The following PGS1 variants were observed in gnomAD, a reference collection of about 807,000 sequenced individuals.
The protein encoded by PGS1 is phosphatidylglycerophosphate synthase 1.
In PGS1, 44 loss-of-function variants were observed where a neutral mutation model predicts 58.3. That is an observed-to-expected ratio of 0.75 (90% CI 0.59 to 0.97). The LOEUF is 0.97. Among genes scored for constraint, PGS1 ranks in the 50% least tolerant of loss-of-function variants. The probability of loss-of-function intolerance (pLI) is 0.00; values close to 1 mark genes in which losing one functional copy is unlikely to be tolerated. For synonymous variants in PGS1, 330 were observed against 311.0 expected (o/e 1.06, Z -0.64); for missense variants, 684 against 731.1 (o/e 0.94, Z 0.74).
intron 7 of PGS1, among the ~76,000 whole-genome samples, chr17:78,406,540 T>C (rs2084161759): frequency 6.6e-6 from 1 of 152,168 alleles, no homozygotes; most frequent in African/African-American, 2.4e-5. Flanking sequence ...CAGGTGGCAT[T>C]GTTTGGTGTG....
In PGS1 at chr17:78,392,631, T is replaced by C. The variant is rs756084405; in HGVS notation, c.299T>C (p.Leu100Pro). The change falls in exon 2 of 10, where the codon CTT becomes CCT. Residue 100 changes from leucine (L) to proline (P), a missense_variant. Leu to Pro is a moderately conservative substitution (Grantham distance 98, BLOSUM62 -3). Transcript: ENST00000262764. ...GTCTCCAGTTCTCACGTTAGGGTGC[T>C]TTCTTCCCCGGCAGAGTTTTTCGAG... ...FGVSSSHVRV[L>P]SSPAEFFELM... The C allele has an allele frequency of 6.2e-7, 1 of 1,614,076 alleles. No homozygotes were observed. The highest frequency in any genetic ancestry group is 8.5e-7 in the Non-Finnish European group (1 of 1,179,988).
chr17:78,385,329 C>T (rs1299267112), intron 1 of PGS1, among the ~76,000 whole-genome samples: 1 of 151,528 alleles, frequency 6.6e-6, no homozygotes, highest in African/African-American at 2.4e-5. Context: ...CGTACTTTCG[C>T]CCAGGTCAGA....
chr17:78,395,157 C>G (rs576049498), intron 2 of PGS1, among the ~76,000 whole-genome samples: 6 of 152,322 alleles, frequency 3.9e-5, no homozygotes, highest in Admixed American at 3.3e-4. Context: ...TGGTTTCTGC[C>G]TGGTCCCCAT....
chr17:78,403,077 G>A (rs115223098), intron 6 of PGS1, among the ~76,000 whole-genome samples: 3 of 152,106 alleles, frequency 2.0e-5, no homozygotes, highest in East Asian at 1.9e-4. Flanking sequence ...TGTGGAATAC[G>A]CATGCTCCTT....
intron 7 of PGS1, among the ~76,000 whole-genome samples, chr17:78,409,066 G>A (rs1179366734): frequency 2.6e-5 from 4 of 152,220 alleles, no homozygotes; most frequent in Non-Finnish European, 5.9e-5. Flanking sequence ...AGGGGAGGCT[G>A]AGTATGAACC....
At chr17:78,390,062 T>TTCCCCCCCCCCCCCCCCCCCCC (rs2082704736) in intron 1 of PGS1, among the ~76,000 whole-genome samples, 1 of 128,606 alleles carries the variant, frequency 7.8e-6, no homozygotes, top group Non-Finnish European at 1.7e-5. Flanking sequence ...TGTTGCCTGT[T>TTCCCCCCCCCCCCCCCCCCCCC]CCCCCGCCCC....
At chr17:78,397,460 G>GA (rs1358043833) in intron 3 of PGS1, among the ~76,000 whole-genome samples, 25 of 151,448 alleles carry the variant, frequency 1.7e-4, no homozygotes, top group African/African-American at 6.1e-4. Flanking sequence ...TTTTGAGACG[G>GA]AGTTTTGCTC....
intron 1 of PGS1, among the ~76,000 whole-genome samples, chr17:78,390,349 C>T (rs1285292456): frequency 6.6e-6 from 1 of 152,102 alleles, no homozygotes; most frequent in Admixed American, 6.5e-5. Context: ...CTGTTTCCCA[C>T]CTCTGCACTG....
At chr17:78,397,172 G>A (rs541757729) in intron 3 of PGS1, among the ~76,000 whole-genome samples, 1 of 151,926 alleles carries the variant, frequency 6.6e-6, no homozygotes, top group Middle Eastern at 3.4e-3. Flanking sequence ...GAGGTGTTGG[G>A]GCCAGCGCAG....
chr17:78,403,628 C>A lies in PGS1; in HGVS notation c.941C>A (p.Ala314Asp). 1 of 1,614,154 alleles carries A rather than the reference C, an allele frequency of 6.2e-7. No individual in the cohort carries two copies. Among genetic ancestry groups the A allele is most frequent in the South Asian group, 1.1e-5 (1 of 91,088 alleles). The stretch of plus-strand genomic sequence containing the variant: ...AGGGTCATGGATGTGATCAACTCAG[C>A]CAGGACCCGCCAGCAGATGCTGCAT... Reference protein sequence around the residue: ...NKRVMDVINSARTRQQMLHAQ... With the variant: ...NKRVMDVINSDRTRQQMLHAQ... Residue 314 changes from alanine to aspartate, a missense_variant, in exon 7 of 10, where the codon GCC (alanine) becomes GAC (aspartate). Coordinates refer to ENST00000262764, the MANE Select transcript of PGS1 (RefSeq NM_024419.5).
intron 7 of PGS1, among the ~76,000 whole-genome samples, chr17:78,410,614 C>G (rs367858900): frequency 2.6e-5 from 4 of 151,762 alleles, no homozygotes; most frequent in African/African-American, 7.3e-5. Flanking sequence ...GCTGGGATTA[C>G]AGGCACGCAC....
chr17:78,418,355 A>G (rs548483312), intron 8 of PGS1, among the ~76,000 whole-genome samples: 1 of 152,282 alleles, frequency 6.6e-6, no homozygotes, highest in South Asian at 2.1e-4. Context: ...CATTGTGATG[A>G]TTGGCCGCCT....
At position 78,378,741 on chromosome 17, in the gene PGS1, G is replaced by T; in HGVS notation, c.76G>T (p.Gly26Trp). The change falls in exon 1 of 10, where the codon GGG becomes TGG. Residue 26 changes from glycine (G) to tryptophan (W), a missense_variant. Transcript: ENST00000262764. Reference sequence around the variant, plus strand: ...GCTGGGCCTCCTGCCTGGCCGCCCAGGGCTGGCCGCGCTCCTGGGACGCCT... The same window carrying T: ...GCTGGGCCTCCTGCCTGGCCGCCCATGGCTGGCCGCGCTCCTGGGACGCCT... Reference protein sequence around the residue: ...RLLGLLPGRPGLAALLGRLSD... With the variant: ...RLLGLLPGRPWLAALLGRLSD... The T allele has an allele frequency of 1.3e-6, 2 of 1,508,294 alleles. No individual in the cohort carries two copies. Among genetic ancestry groups the T allele is most frequent in the South Asian group, 2.5e-5 (2 of 81,094 alleles). The allele number at this position is 1,508,294 out of a possible 1,614,324, so 93.4% of individuals were successfully genotyped here.
intron 9 of PGS1, among the ~76,000 whole-genome samples, chr17:78,422,417 A>C (rs1043980019): frequency 9.2e-5 from 14 of 152,208 alleles, no homozygotes; most frequent in African/African-American, 3.1e-4. Context: ...CCCATGATTT[A>C]GGTGAGTAAA....
intron 8 of PGS1, 68 bp downstream of exon 8, chr17:78,415,095 C>T (rs2085064210): frequency 1.3e-6 from 2 of 1,566,450 alleles, no homozygotes; most frequent in African/African-American, 1.4e-5. Flanking sequence ...CTCACCCGTG[C>T]TGTGGGGCTG....
intron 2 of PGS1, among the ~76,000 whole-genome samples, chr17:78,393,119 G>C (rs1474818156): frequency 6.6e-6 from 1 of 150,814 alleles, no homozygotes; most frequent in African/African-American, 2.4e-5. Flanking sequence ...AGAGTGCAGT[G>C]GCTCAATCTT....
intron 1 of PGS1, among the ~76,000 whole-genome samples, chr17:78,386,390 G>A (rs186650040): frequency 6.6e-6 from 1 of 152,260 alleles, no homozygotes; most frequent in Admixed American, 6.5e-5. Flanking sequence ...ATATTCCAGG[G>A]TAAAGGAGTG....
At chr17:78,392,965 C>T (rs2082935151) in intron 2 of PGS1, among the ~76,000 whole-genome samples, 1 of 152,130 alleles carries the variant, frequency 6.6e-6, no homozygotes, top group Admixed American at 6.6e-5. Flanking sequence ...CACTATGTTA[C>T]CCAGATGGGT....
intron 7 of PGS1, among the ~76,000 whole-genome samples, chr17:78,412,591 G>A (rs2084810925): frequency 6.6e-6 from 1 of 152,188 alleles, no homozygotes; most frequent in African/African-American, 2.4e-5. Context: ...GGTGGATTTG[G>A]CAAATAAAAA....
Sources: gnomAD v4.1 joint callset for allele counts (sites outside exome capture counted in the v4.1 genomes callset) on GRCh38, gnomAD v4.1.1 for gene constraint, MANE v1.5 for transcripts, NCBI Gene and HGNC (gene_info 2026-07-23, HGNC 2026-07-21) for gene names.